The following DLG1 variants were observed in gnomAD, a reference collection of about 807,000 sequenced individuals.
DLG1 encodes disks large homolog 1.
In DLG1, 42 loss-of-function variants were observed where a neutral mutation model predicts 123.4. The observed-to-expected ratio is 0.34, with a 90% CI of 0.27 to 0.44. The LOEUF is 0.44. Among genes scored for constraint, DLG1 ranks in the 20% least tolerant of loss-of-function variants. The pLI is 1.00. For missense variants in DLG1, 942 were observed against 1,082.6 expected (o/e 0.87, Z 1.82); for synonymous variants, 317 against 356.2 (o/e 0.89, Z 1.24).
At chr3:197,260,058 G>C (rs1281472768) in intron 4 of DLG1, among the ~76,000 whole-genome samples, 1 of 152,126 alleles carries the variant, frequency 6.6e-6, no homozygotes, top group Non-Finnish European at 1.5e-5. Context: ...AAAAACATCT[G>C]TGCAACACGC....
intron 5 of DLG1, among the ~76,000 whole-genome samples, chr3:197,179,292 A>T (rs771581823): frequency 6.6e-6 from 1 of 152,124 alleles, no homozygotes; most frequent in Non-Finnish European, 1.5e-5. Flanking sequence ...TAATCACTTA[A>T]ATTTAGTCAT....
Position 197,275,570 on chromosome 3 carries a change from A to G in DLG1, c.318+7109T>C, listed in dbSNP as rs571576007. 5.3e-5 allele frequency among the ~76,000 whole-genome samples: 8 copies of G among 152,378 alleles called. No homozygotes were observed. In the South Asian group the frequency reaches 1.7e-3, roughly 32 times the overall value. On this transcript the variant is annotated intron_variant, in intron 4 of 24. Coordinates refer to ENST00000667157, the MANE Select transcript of DLG1 (RefSeq NM_001366207.1). ...ATAGAATATTATTTAGCCATAACAC[A>G]GCATGAAGTCCTGTCATCTGCAGCA...
At chr3:197,105,992 T>C (rs536203465) in intron 13 of DLG1, among the ~76,000 whole-genome samples, 1 of 152,208 alleles carries the variant, frequency 6.6e-6, no homozygotes, top group South Asian at 2.1e-4. Context: ...TTTAAAAAAT[T>C]TGACTATGAG....
At chr3:197,240,714 CAAAAG>C (rs1021448905) in intron 4 of DLG1, among the ~76,000 whole-genome samples, 26 of 151,134 alleles carry the variant, frequency 1.7e-4, no homozygotes, top group African/African-American at 5.6e-4. Flanking sequence ...GTCATAACAC[CAAAAG>C]AAAAGAAAAG....
At chr3:197,185,716 T>G (rs1715524591) in intron 5 of DLG1, among the ~76,000 whole-genome samples, 1 of 152,214 alleles carries the variant, frequency 6.6e-6, no homozygotes, top group African/African-American at 2.4e-5. Context: ...GATCCATGTC[T>G]GATGAAAACT....
chr3:197,209,800 G>A (rs753557924), intron 4 of DLG1, among the ~76,000 whole-genome samples: 9 of 146,534 alleles, frequency 6.1e-5, no homozygotes, highest in Non-Finnish European at 1.4e-4. Flanking sequence ...AAACAATTCA[G>A]AATGGAGTAA....
At chr3:197,290,750 T>C (rs1331187881) in intron 3 of DLG1, among the ~76,000 whole-genome samples, 2 of 151,794 alleles carry the variant, frequency 1.3e-5, no homozygotes, top group African/African-American at 2.4e-5. Context: ...TAGAAAAAGT[T>C]AGCCAGGCGT....
At chr3:197,104,221 T>C (rs1765085561) in intron 14 of DLG1, among the ~76,000 whole-genome samples, 1 of 152,222 alleles carries the variant, frequency 6.6e-6, no homozygotes, top group Admixed American at 6.5e-5. Flanking sequence ...TATTACTATA[T>C]CTGCTTATGG....
intron 24 of DLG1, 74 bp downstream of exon 24, chr3:197,051,503 C>A (rs1421531172): frequency 1.7e-6 from 2 of 1,159,106 alleles, no homozygotes; most frequent in Non-Finnish European, 1.3e-6. Flanking sequence ...TCAAAATCCA[C>A]CTGAACGGGT....
chr3:197,179,278 T>C (rs1234587395), intron 5 of DLG1, among the ~76,000 whole-genome samples: 3 of 152,214 alleles, frequency 2.0e-5, no homozygotes, highest in African/African-American at 7.2e-5. Flanking sequence ...TGGTACCAAG[T>C]GGATAATCAC....
At chr3:197,187,853 A>T (rs6781090) in intron 5 of DLG1, among the ~76,000 whole-genome samples, 24,059 of 152,074 alleles carry the variant, frequency 0.16, 2,065 homozygotes, top group African/African-American at 0.22. Flanking sequence ...TAAGATTTTT[A>T]AAAAACTATT....
At chr3:197,104,791 A>G (rs1579272534) in intron 14 of DLG1, 112 bp downstream of exon 14, 2 of 744,592 alleles carry the variant, frequency 2.7e-6, no homozygotes, top group East Asian at 5.5e-5. Context: ...AATCAGAAAA[A>G]AAGCACAAAA....
intron 4 of DLG1, among the ~76,000 whole-genome samples, chr3:197,281,950 C>CA (rs1296902075): frequency 1.3e-5 from 2 of 152,108 alleles, no homozygotes; most frequent in Admixed American, 6.5e-5. Context: ...TATTATTCAC[C>CA]AAACAGAAAC....
At chr3:197,132,436 A>G in intron 10 of DLG1, among the ~76,000 whole-genome samples, 1 of 152,268 alleles carries the variant, frequency 6.6e-6, no homozygotes, top group East Asian at 1.9e-4. Context: ...TAATATTTTC[A>G]CAAAAAAATG....
chr3:197,198,685 T>C (rs1410778194), intron 4 of DLG1, among the ~76,000 whole-genome samples: 1 of 152,096 alleles, frequency 6.6e-6, no homozygotes, highest in Non-Finnish European at 1.5e-5. Context: ...ATGTTTAATA[T>C]CATTAATCAT....
chr3:197,174,039 C>T (rs1392263631), intron 5 of DLG1, among the ~76,000 whole-genome samples: 1 of 152,096 alleles, frequency 6.6e-6, no homozygotes, highest in Admixed American at 6.5e-5. Flanking sequence ...GCTGAGATCG[C>T]GCCACTGCAC....
At chr3:197,240,019 GT>G (rs1235994198) in intron 4 of DLG1, among the ~76,000 whole-genome samples, 5 of 152,044 alleles carry the variant, frequency 3.3e-5, no homozygotes, top group African/African-American at 1.2e-4. Context: ...ATCATCTAAT[GT>G]TCTCTGGCAG....
chr3:197,243,066 G>T (rs1257869740), intron 4 of DLG1, among the ~76,000 whole-genome samples: 1 of 152,130 alleles, frequency 6.6e-6, no homozygotes, highest in African/African-American at 2.4e-5. Flanking sequence ...CGTTAGTTAC[G>T]ATCGCAAGAG....
rs139831170 is a variant in DLG1, at chr3:197,252,914, T to C, written c.318+29765A>G. 7.5e-3 allele frequency among the ~76,000 whole-genome samples: 1,138 copies of C among 152,182 alleles called. 6 individuals carry two copies. Among genetic ancestry groups the C allele is most frequent in the South Asian group, 0.023 (111 of 4,824 alleles). On this transcript the variant is annotated intron_variant, in intron 4 of 24. Coordinates refer to ENST00000667157, the MANE Select transcript of DLG1 (RefSeq NM_001366207.1). ...TCATAAAAATGGTTACCATAATAAATTGTATGTTATGTATATTTTACCACA... is the reference window on the plus strand; with the variant it reads ...TCATAAAAATGGTTACCATAATAAACTGTATGTTATGTATATTTTACCACA...
Sources: gnomAD v4.1 joint callset for allele counts (sites outside exome capture counted in the v4.1 genomes callset) on GRCh38, gnomAD v4.1.1 for gene constraint, MANE v1.5 for transcripts, NCBI Gene and HGNC (gene_info 2026-07-23, HGNC 2026-07-21) for gene names.